MEI4: variants seen among roughly 807,000 people sequenced by gnomAD.
MEI4 encodes the protein meiotic double-stranded break formation protein 4.
A neutral mutation model predicts 31.4 loss-of-function variants in MEI4; 27 were observed. The observed-to-expected ratio is 0.86, with a 90% CI of 0.63 to 1.19. The LOEUF (loss-of-function observed/expected upper bound fraction) is 1.19. MEI4 is among the 50% of genes most tolerant of loss of function. MEI4 has a pLI of 0.00. For missense variants in MEI4, 329 were observed against 398.9 expected (o/e 0.82, Z 1.49); for synonymous variants, 122 against 145.4 (o/e 0.84, Z 1.16).
chr6:77,749,654 G>A (rs903032917), intron 2 of MEI4, among the ~76,000 whole-genome samples: 5 of 152,222 alleles, frequency 3.3e-5, no homozygotes, highest in African/African-American at 1.2e-4. Context: ...TGGTGTACCT[G>A]AAAGAGACTG....
chr6:77,770,761 A>G (rs1401704140), intron 3 of MEI4, among the ~76,000 whole-genome samples: 2 of 152,176 alleles, frequency 1.3e-5, no homozygotes, highest in Non-Finnish European at 2.9e-5. Context: ...AGGACTCCCT[A>G]TTCATTAAAT....
chr6:77,761,033 A>G (rs1468194640), intron 2 of MEI4, 97 bp from the exon 3 acceptor site: 1 of 816,972 alleles, frequency 1.2e-6, no homozygotes, highest in Non-Finnish European at 1.6e-6. Context: ...GTATTTATAT[A>G]CTTCATTTCT....
chr6:77,815,503 T>A (rs568453853), intron 3 of MEI4, among the ~76,000 whole-genome samples: 141 of 152,208 alleles, frequency 9.3e-4, no homozygotes, highest in African/African-American at 3.3e-3. Flanking sequence ...TTGGCTGAAA[T>A]TAGAGATGTC....
intron 2 of MEI4, among the ~76,000 whole-genome samples, chr6:77,716,172 T>A (rs73762818): frequency 0.037 from 5,594 of 152,256 alleles, 278 homozygotes; most frequent in African/African-American, 0.11. Flanking sequence ...AAACAGATGG[T>A]TAACGTATAT....
intron 3 of MEI4, among the ~76,000 whole-genome samples, chr6:77,808,266 G>A (rs116590854): frequency 6.6e-6 from 1 of 152,164 alleles, no homozygotes; most frequent in African/African-American, 2.4e-5. Context: ...GAAACCCACT[G>A]AACAAAAGAA....
chr6:77,675,702 T>C (rs1363428630), intron 1 of MEI4, among the ~76,000 whole-genome samples: 1 of 152,018 alleles, frequency 6.6e-6, no homozygotes, highest in Non-Finnish European at 1.5e-5. Context: ...ATATGAGAGT[T>C]TAGGGAGGGA....
intron 2 of MEI4, among the ~76,000 whole-genome samples, chr6:77,735,203 C>T (rs1168280513): frequency 6.6e-6 from 1 of 152,028 alleles, no homozygotes; most frequent in East Asian, 1.9e-4. Context: ...TGGGGAAGTT[C>T]TCCTGGATAA....
At chr6:77,821,870 T>C (rs1252219094) in intron 3 of MEI4, among the ~76,000 whole-genome samples, 1 of 148,946 alleles carries the variant, frequency 6.7e-6, no homozygotes, top group Non-Finnish European at 1.5e-5. Flanking sequence ...GGGGGTGATT[T>C]GTGCTGGCAC....
In MEI4 at chr6:77,761,679, C is replaced by T; in HGVS notation, c.768+14C>T. The T allele has an allele frequency of 1.6e-6, 2 of 1,220,280 alleles. No homozygotes were observed. Among genetic ancestry groups the T allele is most frequent in the Non-Finnish European group, 2.0e-6 (2 of 977,596 alleles). 75.6% of individuals were successfully genotyped at this position (1,220,280 alleles called of 1,614,324 possible). On this transcript the variant is annotated intron_variant, in intron 3 of 4. Transcript: ENST00000684080. ...CATATAAATCAGGTGAGTAATAAAT[C>T]CCTCTTTTATTCCTAAAATGCTAGT...
intron 4 of MEI4, among the ~76,000 whole-genome samples, chr6:77,879,965 T>C (rs990726246): frequency 2.0e-5 from 3 of 152,194 alleles, no homozygotes; most frequent in African/African-American, 7.2e-5. Flanking sequence ...CTATTCTGTT[T>C]GGGCACCTGT....
chr6:77,757,386 C>T (rs1044478615), intron 2 of MEI4, among the ~76,000 whole-genome samples: 1 of 152,216 alleles, frequency 6.6e-6, no homozygotes, highest in African/African-American at 2.4e-5. Flanking sequence ...GCATTTCTAA[C>T]ATATGCTCTC....
chr6:77,900,283 TC>T (rs1396960075), intron 4 of MEI4, among the ~76,000 whole-genome samples: 11 of 152,148 alleles, frequency 7.2e-5, no homozygotes, highest in Admixed American at 2.6e-4. Flanking sequence ...GTAGGGAGAT[TC>T]CTCAAAATAT....
intron 2 of MEI4, among the ~76,000 whole-genome samples, chr6:77,732,223 T>A (rs1767022739): frequency 6.6e-6 from 1 of 151,884 alleles, no homozygotes; most frequent in Non-Finnish European, 1.5e-5. Flanking sequence ...TTGGGCAGTA[T>A]GGCCATTTTC....
intron 3 of MEI4, among the ~76,000 whole-genome samples, chr6:77,800,488 T>G (rs563989803): frequency 1.3e-5 from 2 of 152,342 alleles, no homozygotes; most frequent in South Asian, 4.1e-4. Flanking sequence ...ACCCTTTGTT[T>G]CCTTCTGCCT....
intron 1 of MEI4, among the ~76,000 whole-genome samples, chr6:77,670,734 G>A (rs1020105148): frequency 3.0e-4 from 46 of 152,026 alleles, no homozygotes; most frequent in African/African-American, 7.0e-4. Flanking sequence ...TTCTGTTACT[G>A]TATTTAAAAT....
chr6:77,898,596 G>T (rs1289842790), intron 4 of MEI4, among the ~76,000 whole-genome samples: 1 of 151,922 alleles, frequency 6.6e-6, no homozygotes, highest in Non-Finnish European at 1.5e-5. Context: ...GTTGCTTTGT[G>T]CTTTTACCCC....
chr6:77,776,862 ATTGT>A (rs1768455984), intron 3 of MEI4, among the ~76,000 whole-genome samples: 1 of 152,194 alleles, frequency 6.6e-6, no homozygotes, highest in Admixed American at 6.6e-5. Flanking sequence ...CAAGTCATTG[ATTGT>A]TTTAGATTTT....
chr6:77,737,948 T>C (rs992409227), intron 2 of MEI4, among the ~76,000 whole-genome samples: 1 of 152,146 alleles, frequency 6.6e-6, no homozygotes, highest in Non-Finnish European at 1.5e-5. Flanking sequence ...ATTGAGATAG[T>C]AGCAAGGAAG....
rs566580357 is a variant in MEI4, at chr6:77,662,673, G to A, written c.-15+9581G>A. ...CATGAGGACTAGGCTAAAACAGTAAGGTCAAGTTGTTTGGAGAGAAAGGCT... is the reference window on the plus strand; with the variant it reads ...CATGAGGACTAGGCTAAAACAGTAAAGTCAAGTTGTTTGGAGAGAAAGGCT... On this transcript the variant is annotated intron_variant, in intron 1 of 4. Transcript: ENST00000684080. Among the ~76,000 whole-genome samples, 13 of 152,284 alleles carry A rather than the reference G, an allele frequency of 8.5e-5. No homozygotes were observed. The South Asian group carries it at 2.7e-3, about 32-fold the overall frequency.
Sources: gnomAD v4.1 joint callset for allele counts (sites outside exome capture counted in the v4.1 genomes callset) on GRCh38, gnomAD v4.1.1 for gene constraint, MANE v1.5 for transcripts, NCBI Gene and HGNC (gene_info 2026-07-23, HGNC 2026-07-21) for gene names.